ADGRE1: variants seen among roughly 807,000 people sequenced by gnomAD.
ADGRE1 encodes EGF-like module receptor 1.
Under a neutral mutation model 102.7 loss-of-function variants are expected in ADGRE1, and 82 were observed. That is an observed-to-expected ratio of 0.80 (90% CI 0.67 to 0.96). ADGRE1 has a LOEUF of 0.96. Ranked by LOEUF, ADGRE1 falls within the 40% of genes least tolerant of loss-of-function variation. The pLI, the probability that ADGRE1 is intolerant of heterozygous loss-of-function variation, is 0.00. For synonymous variants in ADGRE1, 398 were observed against 399.6 expected (o/e 1.00, Z 0.05); for missense variants, 1,032 against 1,085.3 (o/e 0.95, Z 0.69).
At chr19:6,916,401 G>T (rs1199831582) in intron 12 of ADGRE1, 33 bp downstream of exon 12, 1 of 1,597,122 alleles carries the variant, frequency 6.3e-7, no homozygotes, top group South Asian at 1.1e-5. Context: ...GCAGGTTATG[G>T]TGTATTCCAT....
intron 9 of ADGRE1, among the ~76,000 whole-genome samples, chr19:6,907,312 G>A (rs1973998787): frequency 6.6e-6 from 1 of 151,650 alleles, no homozygotes; most frequent in African/African-American, 2.4e-5. Context: ...ACAATGTTAT[G>A]CAATCATCAC....
intron 17 of ADGRE1, among the ~76,000 whole-genome samples, chr19:6,930,786 C>T (rs534019293): frequency 8.5e-5 from 13 of 152,064 alleles, no homozygotes; most frequent in Admixed American, 2.6e-4. Flanking sequence ...TACAGGTGTG[C>T]GCCACCACGC....
chr19:6,912,241 C>A (rs1301766721), intron 10 of ADGRE1, among the ~76,000 whole-genome samples: 1 of 152,056 alleles, frequency 6.6e-6, no homozygotes, highest in South Asian at 2.1e-4. Context: ...TAAGCACACA[C>A]ACACACATGC....
At chr19:6,919,473 T>TGTGTGTGTGTG (rs1974542776) in intron 12 of ADGRE1, 75 bp from the exon 13 acceptor site, 1 of 832,128 alleles carries the variant, frequency 1.2e-6, no homozygotes, top group Admixed American at 1.9e-5. Flanking sequence ...TGTGTGTGTG[T>TGTGTGTGTGTG]GTGTGTGTTG....
chr19:6,892,439 G>T (rs1264187673), intron 2 of ADGRE1, among the ~76,000 whole-genome samples: 1 of 151,980 alleles, frequency 6.6e-6, no homozygotes, highest in African/African-American at 2.4e-5. Context: ...TGTTAGTGTT[G>T]CTTTAAAAAA....
At position 6,919,573 on chromosome 19, in the gene ADGRE1, C is replaced by T; in HGVS notation, c.1446C>T (p.Ser482=). The change falls in exon 13 of 21, where the codon TCC becomes TCT. Residue 482 remains serine, a synonymous_variant. Transcript: ENST00000312053. ...AGACCACTGGTGTGGCTTTTGTCTCCTTTGTGGGCATGGAATCGGTTTTAA... is the reference window on the plus strand; with the variant it reads ...AGACCACTGGTGTGGCTTTTGTCTCTTTTGTGGGCATGGAATCGGTTTTAA... ...STETTGVAFV[S]FVGMESVLNE... is the part of the protein sequence containing the mutation. 1 of 1,610,710 alleles carries T rather than the reference C, an allele frequency of 6.2e-7. No individual in the cohort carries two copies. The highest frequency in any genetic ancestry group is 1.3e-5 in the African/African-American group (1 of 74,474).
Position 6,901,237 on chromosome 19 carries a change from T to C in ADGRE1, c.515-638T>C, listed in dbSNP as rs145879733. Among the ~76,000 whole-genome samples, 41 of 152,342 alleles carry C rather than the reference T, an allele frequency of 2.7e-4. No individual in the cohort carries two copies. The East Asian group carries it at 6.9e-3, about 26-fold the overall frequency. On this transcript the variant is annotated intron_variant, in intron 5 of 20. Transcript: ENST00000312053. ...GCTGGGAATGCAGTCCTCAGCTGTA[T>C]TGTTACATTATTACAAGGAGGAGGG... is the stretch of plus-strand genomic sequence containing the variant.
chr19:6,888,052 TC>T (rs1414038272), intron 1 of ADGRE1, among the ~76,000 whole-genome samples: 13 of 152,198 alleles, frequency 8.5e-5, no homozygotes, highest in Admixed American at 2.0e-4. Flanking sequence ...TCACAACATT[TC>T]TATGACATTG....
chr19:6,905,817 T>C (rs1217310098), intron 8 of ADGRE1, among the ~76,000 whole-genome samples: 3 of 152,218 alleles, frequency 2.0e-5, no homozygotes, highest in African/African-American at 7.2e-5. Flanking sequence ...ATATATCTGA[T>C]GTATTTCCAA....
At chr19:6,910,030 A>G (rs12978192) in intron 10 of ADGRE1, among the ~76,000 whole-genome samples, 95,685 of 152,000 alleles carry the variant, frequency 0.63, 31,946 homozygotes, top group Non-Finnish European at 0.75. Flanking sequence ...CACCAAGTCT[A>G]GCCAAAAGCT....
At chr19:6,937,700 C>T in intron 20 of ADGRE1, 52 bp downstream of exon 20, 1 of 1,546,176 alleles carries the variant, frequency 6.5e-7, no homozygotes, top group East Asian at 2.2e-5. Context: ...GTGCCGGCCT[C>T]TTGGTGACAC....
At chr19:6,939,997 CTG>C in intron 20 of ADGRE1, 25 bp from the exon 21 acceptor site, 1 of 1,613,772 alleles carries the variant, frequency 6.2e-7, no homozygotes, top group Non-Finnish European at 8.5e-7. Flanking sequence ...GCTGCAGACT[CTG>C]AGGAAATTCT....
chr19:6,933,827 C>T (rs989823304), intron 17 of ADGRE1, among the ~76,000 whole-genome samples: 25 of 152,202 alleles, frequency 1.6e-4, no homozygotes, highest in Non-Finnish European at 3.1e-4. Context: ...CAAGAATGCT[C>T]TGACCCAAAT....
At position 6,913,765 on chromosome 19, in the gene ADGRE1, T is replaced by C; in HGVS notation, c.1235T>C (p.Met412Thr). 6.2e-7 allele frequency: 1 copy of C among 1,612,636 alleles called. No homozygotes were observed. The highest frequency in any genetic ancestry group is 8.5e-7 in the Non-Finnish European group (1 of 1,179,246). ...GTCTTCCTGGAGAGTGTGGAAAGCA[T>C]GACACTGGCATCTTTTTGGAAACCC... ...ATVFLESVES[M>T]TLASFWKPSA... Residue 412 changes from methionine (M) to threonine (T), a missense_variant, in exon 11 of 21, where the codon ATG becomes ACG. Physicochemically the swap from Met to Thr is moderately conservative, Grantham distance 81. Transcript: ENST00000312053.
At chr19:6,903,680 T>C in intron 6 of ADGRE1, 130 bp from the exon 7 acceptor site, 1 of 1,194,968 alleles carries the variant, frequency 8.4e-7, no homozygotes, top group South Asian at 1.4e-5. Flanking sequence ...ATGCAGAGGG[T>C]TCTAGGAAAT....
chr19:6,908,912 T>A, intron 10 of ADGRE1, 140 bp downstream of exon 10: 1 of 706,872 alleles, frequency 1.4e-6, no homozygotes, highest in Non-Finnish European at 2.3e-6. Context: ...GTCAGATGAA[T>A]CACTTGAGGT....
At chr19:6,926,225 G>A in intron 15 of ADGRE1, 141 bp from the exon 16 acceptor site, 1 of 880,326 alleles carries the variant, frequency 1.1e-6, no homozygotes, top group Non-Finnish European at 1.7e-6. Flanking sequence ...AAGAACCACT[G>A]CACCTCTCTA....
At chr19:6,935,434 T>C (rs252554) in intron 18 of ADGRE1, among the ~76,000 whole-genome samples, 110,350 of 152,090 alleles carry the variant, frequency 0.73, 40,513 homozygotes, top group Non-Finnish European at 0.79. Context: ...TTTCTCTGTG[T>C]ATACTTATAT....
intron 2 of ADGRE1, among the ~76,000 whole-genome samples, chr19:6,892,952 T>G (rs1973431493): frequency 6.6e-6 from 1 of 152,198 alleles, no homozygotes; most frequent in Non-Finnish European, 1.5e-5. Flanking sequence ...GTGGTTTTTG[T>G]ACCAACCAGT....
Sources: allele counts gnomAD v4.1 joint callset (sites outside exome capture counted in the v4.1 genomes callset), GRCh38; gene constraint gnomAD v4.1.1; transcripts MANE v1.5; gene names NCBI Gene and HGNC (gene_info 2026-07-23, HGNC 2026-07-21).